NIN: variants seen among roughly 807,000 people sequenced by gnomAD.
The protein encoded by NIN is glycogen synthase kinase 3 beta-interacting protein.
Under a neutral mutation model 257.6 loss-of-function variants are expected in NIN, and 137 were observed. The observed-to-expected ratio is 0.53, with a 90% CI of 0.46 to 0.61. NIN has a LOEUF of 0.61. Among genes scored for constraint, NIN ranks in the 20% least tolerant of loss-of-function variants. The pLI is 0.00. For missense variants in NIN, 2,439 were observed against 2,501.2 expected (o/e 0.98, Z 0.53); for synonymous variants, 918 against 919.8 (o/e 1.00, Z 0.04).
Position 50,792,759 on chromosome 14 carries a change from C to G in NIN, c.388G>C (p.Asp130His), listed in dbSNP as rs772868414. ...ATGTGTGAAGGCCGCGCTTCTTCAT[C>G]CAGTGGCTCAATCACCGTCACTTCA... is the stretch of plus-strand genomic sequence containing the variant. ...FPEVTVIEPL[D>H]EEARPSHIPA... The change falls in exon 5 of 31, where the codon GAT becomes CAT. Residue 130 changes from aspartate (D) to histidine (H), a missense_variant. Physicochemically the swap from Asp to His is moderately conservative, Grantham distance 81. This residue lies in a region of NIN where 387 missense variants were observed against 427.3 expected (regional missense o/e 0.91). Transcript: ENST00000530997. 2.7e-5 allele frequency: 43 copies of G among 1,614,064 alleles called. No homozygotes were observed. The highest frequency in any genetic ancestry group is 3.3e-5 in the Non-Finnish European group (39 of 1,180,056).
At chr14:50,737,551 T>G (rs113648760) in intron 27 of NIN, among the ~76,000 whole-genome samples, 15 of 139,896 alleles carry the variant, frequency 1.1e-4, no homozygotes, top group African/African-American at 3.7e-4. Context: ...AATATTCGAG[T>G]GATAAATATT....
intron 2 of NIN, among the ~76,000 whole-genome samples, chr14:50,830,050 C>T (rs1294452822): frequency 2.0e-5 from 3 of 152,248 alleles, no homozygotes; most frequent in African/African-American, 7.2e-5. Flanking sequence ...CTCCACTTTC[C>T]GGGCTCCAAG....
chr14:50,825,291 T>C (rs910039153), intron 2 of NIN, among the ~76,000 whole-genome samples: 1 of 152,188 alleles, frequency 6.6e-6, no homozygotes, highest in Non-Finnish European at 1.5e-5. Flanking sequence ...AGACTGAGAA[T>C]GGGCAGGGAG....
rs897914706 is a variant in NIN at position 50,810,393 on chromosome 14, G to C, written c.184-3575C>G. On this transcript the variant is annotated intron_variant, in intron 3 of 30. Coordinates refer to ENST00000530997, the MANE Select transcript of NIN (RefSeq NM_020921.4). Reference sequence around the variant, plus strand: ...GCACTCCAAGCTAAAAGTACAAGGAGTAATTATTAACATATTAGCCAGGTG... The same window carrying C: ...GCACTCCAAGCTAAAAGTACAAGGACTAATTATTAACATATTAGCCAGGTG... Among the ~76,000 whole-genome samples the C allele has an allele frequency of 3.3e-5, 5 of 152,260 alleles. No homozygotes were observed. In the East Asian group the frequency reaches 9.6e-4, roughly 29 times the overall value.
At chr14:50,727,776 A>G (rs780535493) in intron 29 of NIN, 10 of 1,417,950 alleles carry the variant, frequency 7.1e-6, no homozygotes, top group African/African-American at 2.9e-5. Context: ...CAAGTAGTAC[A>G]CTTCACCCTC....
At chr14:50,829,945 G>A (rs975632051) in intron 2 of NIN, among the ~76,000 whole-genome samples, 5 of 152,108 alleles carry the variant, frequency 3.3e-5, no homozygotes, top group African/African-American at 9.7e-5. Flanking sequence ...ACACCTTTTA[G>A]GCAATAACCA....
At chr14:50,770,202 C>A (rs2042674350) in intron 12 of NIN, among the ~76,000 whole-genome samples, 186 bp downstream of exon 12, 1 of 152,142 alleles carries the variant, frequency 6.6e-6, no homozygotes. Flanking sequence ...AAAGCAGGAG[C>A]CTGGGTAGCC....
chr14:50,749,471 G>C (rs1430802666), intron 21 of NIN, among the ~76,000 whole-genome samples: 3 of 152,222 alleles, frequency 2.0e-5, no homozygotes, highest in African/African-American at 7.2e-5. Context: ...CTTTTTCTTG[G>C]AGGAGATACT....
At chr14:50,799,941 T>G (rs777259816) in intron 4 of NIN, among the ~76,000 whole-genome samples, 2 of 151,532 alleles carry the variant, frequency 1.3e-5, no homozygotes, top group African/African-American at 2.4e-5. Context: ...CACCATTGCA[T>G]TCCAGCTTGG....
chr14:50,748,384 T>A (rs1490058931), intron 21 of NIN, among the ~76,000 whole-genome samples: 1 of 152,218 alleles, frequency 6.6e-6, no homozygotes, highest in East Asian at 1.9e-4. Context: ...GGGCAAAAGC[T>A]GGAAGCATTC....
Position 50,756,511 on chromosome 14 carries a change from G to C in NIN, c.4519C>G (p.Gln1507Glu). ...DLQITCSEMQ[Q>E]KVELLRYESE... ...CATTACCTCAGAAGTTCAACTTTTT[G>C]CTGCATCTCACTGCACGTGATCTGC... Residue 1507 changes from glutamine to glutamate, a missense_variant, in exon 18 of 31, where the codon CAA becomes GAA. Physicochemically the swap from Gln to Glu is conservative, Grantham distance 29. Coordinates refer to ENST00000530997, the MANE Select transcript of NIN (RefSeq NM_020921.4). 3.1e-6 allele frequency: 5 copies of C among 1,602,524 alleles called. No individual in the cohort carries two copies. The highest frequency in any genetic ancestry group is 2.2e-5 in the South Asian group (2 of 89,330).
At chr14:50,809,469 G>GT (rs575895524) in intron 3 of NIN, among the ~76,000 whole-genome samples, 106 of 152,210 alleles carry the variant, frequency 7.0e-4, no homozygotes, top group Admixed American at 1.8e-3. Context: ...TGAATGAAAC[G>GT]TAAGTCTCTC....
chr14:50,799,303 C>CTCT (rs1168998865), intron 4 of NIN, among the ~76,000 whole-genome samples: 2 of 152,186 alleles, frequency 1.3e-5, no homozygotes, highest in African/African-American at 4.8e-5. Flanking sequence ...AGTCTAGCAG[C>CTCT]TCTGCCCAGG....
intron 14 of NIN, among the ~76,000 whole-genome samples, chr14:50,765,903 G>A (rs919424902): frequency 1.3e-5 from 2 of 150,646 alleles, no homozygotes; most frequent in Non-Finnish European, 2.9e-5. Flanking sequence ...CATTGTGCAG[G>A]TTAGTTACAT....
intron 4 of NIN, among the ~76,000 whole-genome samples, chr14:50,797,018 GA>G (rs1270669156): frequency 2.6e-5 from 4 of 152,198 alleles, no homozygotes; most frequent in Non-Finnish European, 4.4e-5. Context: ...ATATTCAATT[GA>G]ATGCTTTCTT....
rs773020345 is a variant in NIN at position 50,735,620 on chromosome 14, G to GT, written c.5776-4dup. On this transcript the variant is annotated splice_region_variant and splice_polypyrimidine_tract_variant and intron_variant, in intron 27 of 30. Transcript: ENST00000530997. ...TCAAGGGAATTCATCTGACTGACCT[G>GT]TTTAAAAAAAACAAAATATTCCCTT... is the stretch of plus-strand genomic sequence containing the variant. 1.9e-6 allele frequency: 3 copies of GT among 1,602,646 alleles called. No individual in the cohort carries two copies. The highest frequency in any genetic ancestry group is 1.7e-5 in the Admixed American group (1 of 58,118).
chr14:50,806,889 C>T (rs1416811962), intron 3 of NIN, 71 bp from the exon 4 acceptor site: 2 of 705,278 alleles, frequency 2.8e-6, no homozygotes, highest in African/African-American at 1.8e-5. Context: ...CTACAAGGTA[C>T]CAAAACTGTT....
chr14:50,823,860 T>C (rs1411588880), intron 2 of NIN, among the ~76,000 whole-genome samples: 1 of 152,256 alleles, frequency 6.6e-6, no homozygotes, highest in South Asian at 2.1e-4. Flanking sequence ...GAGAGTGTTA[T>C]ATAAACATCA....
chr14:50,789,557 C>A (rs780238025), intron 5 of NIN, among the ~76,000 whole-genome samples: 1 of 152,084 alleles, frequency 6.6e-6, no homozygotes, highest in East Asian at 1.9e-4. Context: ...GGCGACAGAG[C>A]GAGACTCCAT....
Sources: gnomAD v4.1 joint callset for allele counts (sites outside exome capture counted in the v4.1 genomes callset) on GRCh38, gnomAD v4.1.1 for gene constraint, gnomAD v4.1.1 regional missense constraint, MANE v1.5 for transcripts, NCBI Gene and HGNC (gene_info 2026-07-23, HGNC 2026-07-21) for gene names.